Variants in CHRNA4 observed in about 807,000 individuals in gnomAD.
The protein encoded by CHRNA4 is cholinergic receptor nicotinic alpha 4 subunit.
A neutral mutation model predicts 48.9 loss-of-function variants in CHRNA4; 28 were observed. The ratio of observed to expected loss-of-function variants is 0.57; its 90% CI spans 0.42 to 0.79. CHRNA4 has a LOEUF of 0.79. Among genes scored for constraint, CHRNA4 ranks in the 30% least tolerant of loss-of-function variants. The probability of loss-of-function intolerance (pLI) is 0.00; values close to 1 mark genes in which losing one functional copy is unlikely to be tolerated. For synonymous variants in CHRNA4, 425 were observed against 402.3 expected, an observed-to-expected ratio of 1.06 and a Z score of -0.68; for missense variants, 859 against 898.4, an observed-to-expected ratio of 0.96 and a Z score of 0.56.
intron 4 of CHRNA4, chr20:63,355,375 G>T: frequency 7.0e-6 from 4 of 572,344 alleles, no homozygotes; most frequent in African/African-American, 1.9e-5. Context: ...ACATGGGCTT[G>T]GCCCAGCCCG....
At chr20:63,352,417 T>C (rs962362656) in intron 4 of CHRNA4, among the ~76,000 whole-genome samples, 1 of 152,180 alleles carries the variant, frequency 6.6e-6, no homozygotes, top group East Asian at 1.9e-4. Flanking sequence ...GAACTGGTCC[T>C]GAGCCAACAC....
In CHRNA4 at chr20:63,350,235, G is replaced by C. The variant is rs2068568136; in HGVS notation, c.1176C>G (p.Pro392=). The change falls in exon 5 of 6, where the codon CCC becomes CCG. Residue 392 remains proline (P), a synonymous_variant. Coordinates refer to ENST00000370263, the MANE Select transcript of CHRNA4 (RefSeq NM_000744.7). ...PRFWPEPEGE[P]PATSGTQSLH... ...GGCTCTGGGTGCCGCTCGTGGCAGG[G>C]GGCTCCCCTTCTGGCTCGGGCCAGA... 1.2e-6 allele frequency: 2 copies of C among 1,609,472 alleles called. No homozygotes were observed. Among genetic ancestry groups the C allele is most frequent in the Middle Eastern group, 3.3e-4 (2 of 6,054 alleles).
intron 4 of CHRNA4, chr20:63,351,235 C>CCATGCCCCCCGT: frequency 2.6e-6 from 1 of 381,054 alleles, no homozygotes. Flanking sequence ...CACATCCACA[C>CCATGCCCCCCGT]CCACGTCCAC....
rs184652841 is a variant in CHRNA4, at chr20:63,343,768, C to G, written c.*2970G>C. The G allele has an allele frequency of 4.5e-4, 204 of 453,388 alleles. 1 individual carries two copies. Among genetic ancestry groups the G allele is most frequent in the African/African-American group, 3.6e-3 (182 of 50,128 alleles). 28.1% of individuals were successfully genotyped at this position (453,388 alleles called of 1,614,324 possible). On this transcript the variant is annotated 3_prime_UTR_variant, in exon 6 of 6. Transcript: ENST00000370263. ...AGCCGCAGAGGGGCCGGCGCCCCGG[C>G]AGGCTTCGAGCTGCAGCAGTGTCTC... is the stretch of plus-strand genomic sequence containing the variant.
At chr20:63,354,676 G>T in intron 4 of CHRNA4, 1 of 983,258 alleles carries the variant, frequency 1.0e-6, no homozygotes, top group Non-Finnish European at 1.2e-6. Context: ...GTTCCTGGGG[G>T]CTGCATTCCT....
chr20:63,356,558 C>T, intron 2 of CHRNA4, 143 bp from the exon 3 acceptor site: 1 of 863,552 alleles, frequency 1.2e-6, no homozygotes, highest in Non-Finnish European at 1.9e-6. Flanking sequence ...GGGTGAGTGC[C>T]CCGTCCCTGG....
chr20:63,359,882 T>TGCGCGCGCC, intron 1 of CHRNA4, 183 bp from the exon 2 acceptor site: 1 of 446,662 alleles, frequency 2.2e-6, no homozygotes, highest in Non-Finnish European at 3.9e-6. Context: ...TGTGTGTGTG[T>TGCGCGCGCC]GTGCCGGGCG....
At chr20:63,360,954 G>T in intron 1 of CHRNA4, 136 bp downstream of exon 1, 1 of 693,746 alleles carries the variant, frequency 1.4e-6, no homozygotes. Flanking sequence ...CTGGGGATGG[G>T]GAGCCTCGCG....
At position 63,355,988 on chromosome 20, in the gene CHRNA4, C is replaced by T. The variant is rs767990721; in HGVS notation, c.370G>A (p.Val124Ile). 10 of 1,611,822 alleles carry T rather than the reference C, an allele frequency of 6.2e-6. No homozygotes were observed. Among genetic ancestry groups the T allele is most frequent in the East Asian group, 2.2e-5 (1 of 44,786 alleles). ...PSELIWRPDI[V>I]LYNNADGDFA... ...TAGAGGACTCACTTGTTGTAGAGGA[C>T]GATGTCCGGCCGCCAGATGAGCTCG... Residue 124 changes from valine to isoleucine, a missense_variant, in exon 4 of 6, where the codon GTC becomes ATC. Physicochemically the swap from Val to Ile is conservative, Grantham distance 29. Around this residue, in one of 3 missense-constraint regions of CHRNA4, gnomAD observed 342 missense variants for 365.3 expected, o/e 0.94. Coordinates refer to ENST00000370263, the MANE Select transcript of CHRNA4 (RefSeq NM_000744.7).
chr20:63,351,208 A>G, intron 4 of CHRNA4, 181 bp from the exon 5 acceptor site: 1 of 474,482 alleles, frequency 2.1e-6, no homozygotes, highest in Admixed American at 3.3e-5. Context: ...ATCCACACCC[A>G]CGTCCACGTC....
chr20:63,345,494 G>T lies in CHRNA4; in HGVS notation c.*1244C>A, dbSNP rs199510955. On this transcript the variant is annotated 3_prime_UTR_variant, in exon 6 of 6. Transcript: ENST00000370263. This position sits in a 1 kb window ranked among gnomAD's most constrained non-coding sequence, Gnocchi z 5.4. ...GTGCGCCATCTTTAGGGGGTGCACT[G>T]CCGGGCTCCAGGGTCATGCCTGGAA... 93 of 393,346 alleles carry T rather than the reference G, an allele frequency of 2.4e-4. No homozygotes were observed. The highest frequency in any genetic ancestry group is 1.9e-3 in the African/African-American group (91 of 48,738). 24.4% of individuals were successfully genotyped at this position (393,346 alleles called of 1,614,324 possible).
chr20:63,360,893 T>C, intron 1 of CHRNA4, 197 bp downstream of exon 1: 1 of 437,548 alleles, frequency 2.3e-6, no homozygotes, highest in South Asian at 5.9e-5. Flanking sequence ...TCGCCGGCGG[T>C]CAACTCCCTC....
Position 63,346,877 on chromosome 20 carries a change from C to T in CHRNA4, c.1759-14G>A, listed in dbSNP as rs45440192. The T allele has an allele frequency of 3.4e-3, 5,443 of 1,612,144 alleles. 172 individuals are homozygous for T. The African/African-American group carries it at 0.064, about 19-fold the overall frequency. On this transcript the variant is annotated splice_polypyrimidine_tract_variant and intron_variant, in intron 5 of 5. Coordinates refer to ENST00000370263, the MANE Select transcript of CHRNA4 (RefSeq NM_000744.7). ...GTCCTCCTTCACCTGCAAGCACAGA[C>T]GCCGTCACTCCAGCACGGCCCGGCC...
rs2123460179 is a variant in CHRNA4, at chr20:63,344,859, G to A, written c.*1879C>T. On this transcript the variant is annotated 3_prime_UTR_variant, in exon 6 of 6. Coordinates refer to ENST00000370263, the MANE Select transcript of CHRNA4 (RefSeq NM_000744.7). This position sits in a 1 kb window ranked among gnomAD's most constrained non-coding sequence, Gnocchi z 4.5. ...GGGGCTGATGGCAGAGCGGGGGCAG[G>A]TCAGAGCTCAGCAGATGGGGTCCTG... The A allele has an allele frequency of 1.2e-5, 5 of 434,670 alleles. No homozygotes were observed. The highest frequency in any genetic ancestry group is 6.6e-5 in the South Asian group (4 of 60,648). 26.9% of individuals were successfully genotyped at this position (434,670 alleles called of 1,614,324 possible).
At chr20:63,355,347 T>G in intron 4 of CHRNA4, 1 of 416,008 alleles carries the variant, frequency 2.4e-6, no homozygotes, top group Non-Finnish European at 4.3e-6. Flanking sequence ...GACTTCATCT[T>G]GGCCTCCTAG....
chr20:63,349,697 G>A lies in CHRNA4; in HGVS notation c.1714C>T (p.Gln572Ter), dbSNP rs1568807688. 1.2e-6 allele frequency: 2 copies of A among 1,612,888 alleles called. No homozygotes were observed. The highest frequency in any genetic ancestry group is 2.2e-5 in the East Asian group (1 of 44,880). Reference protein sequence around the residue: ...PALTRAVEGVQYIADHLKAED... With the variant: ...PALTRAVEGV ...GCCTTCAGGTGGTCTGCAATGTACTGGACGCCCTCCACCGCCCGGGTCAGG... is the reference window on the plus strand; with the variant it reads ...GCCTTCAGGTGGTCTGCAATGTACTAGACGCCCTCCACCGCCCGGGTCAGG... Residue 572 changes from glutamine to a stop codon, truncating the protein, a stop_gained, in exon 5 of 6, where the codon CAG (glutamine) becomes TAG (stop). Coordinates refer to ENST00000370263, the MANE Select transcript of CHRNA4 (RefSeq NM_000744.7). LOFTEE classifies it high-confidence loss of function.
rs80075498 is a variant in CHRNA4, at chr20:63,361,157, T to C, written c.9A>G (p.Leu3=). The C allele has an allele frequency of 3.6e-3, 5,287 of 1,479,910 alleles. 13 individuals carry two copies. The highest frequency in any genetic ancestry group is 6.5e-3 in the South Asian group (514 of 78,508). The allele number at this position is 1,479,910 out of a possible 1,614,324, so 91.7% of individuals were successfully genotyped here. A position where few individuals can be genotyped will look rare whatever the true frequency, so the allele number is the denominator to read the frequency against. ME[L]GGPGAPRLLP... is the part of the protein sequence containing the mutation. ...GCAGCCGCGGCGCTCCGGGGCCCCCTAGCTCCATGGCGCACGCACCTCGCG... is the reference window on the plus strand; with the variant it reads ...GCAGCCGCGGCGCTCCGGGGCCCCCCAGCTCCATGGCGCACGCACCTCGCG... Residue 3 remains leucine (L), a synonymous_variant, in exon 1 of 6, where the codon CTA becomes CTG. Coordinates refer to ENST00000370263, the MANE Select transcript of CHRNA4 (RefSeq NM_000744.7).
At position 63,349,685 on chromosome 20, in the gene CHRNA4, C is replaced by T. The variant is rs537904499; in HGVS notation, c.1726G>A (p.Asp576Asn). The T allele has an allele frequency of 9.3e-6, 15 of 1,612,780 alleles. No individual in the cohort carries two copies. The Admixed American group carries it at 2.2e-4, about 23-fold the overall frequency. ...TCTGTGTCTTCGGCCTTCAGGTGGT[C>T]TGCAATGTACTGGACGCCCTCCACC... The part of the protein sequence containing the change: ...RAVEGVQYIA[D>N]HLKAEDTDFS... The change falls in exon 5 of 6, where the codon GAC (aspartate) becomes AAC (asparagine). Residue 576 changes from aspartate to asparagine, a missense_variant. By Grantham distance (23) the Asp-to-Asn change is conservative. Coordinates refer to ENST00000370263, the MANE Select transcript of CHRNA4 (RefSeq NM_000744.7).
chr20:63,343,480 A>G lies in CHRNA4; in HGVS notation c.*3258T>C, dbSNP rs45456294. The G allele has an allele frequency of 0.053, 24,253 of 454,106 alleles. 972 individuals carry two copies. The highest frequency in any genetic ancestry group is 0.11 in the South Asian group (7,369 of 64,472). 28.1% of individuals were successfully genotyped at this position (454,106 alleles called of 1,614,324 possible). ...TCCGAAGCCGCCTCTGCTCCAGGGG[A>G]CACCTAACCCAGCAGTCCCACAGCA... On this transcript the variant is annotated 3_prime_UTR_variant, in exon 6 of 6. Coordinates refer to ENST00000370263, the MANE Select transcript of CHRNA4 (RefSeq NM_000744.7).
Sources: gnomAD v4.1 joint callset for allele counts (sites outside exome capture counted in the v4.1 genomes callset) on GRCh38, gnomAD v4.1.1 for gene constraint, gnomAD v4.1.1 regional missense constraint, Gnocchi (gnomAD v3.1) non-coding constraint, MANE v1.5 for transcripts, NCBI Gene and HGNC (gene_info 2026-07-23, HGNC 2026-07-21) for gene names.